Variants in CCNC observed in about 807,000 individuals in gnomAD.
CCNC encodes cyclin-C.
Under a neutral mutation model 50.0 loss-of-function variants are expected in CCNC, and 19 were observed. The ratio of observed to expected loss-of-function variants is 0.38; its 90% confidence interval spans 0.27 to 0.56. CCNC has a LOEUF of 0.56. Among genes scored for constraint, CCNC ranks in the 20% least tolerant of loss-of-function variants. The pLI is 0.72. For synonymous variants in CCNC, 93 were observed against 103.7 expected (o/e 0.90, Z 0.63); for missense variants, 200 against 327.1 (o/e 0.61, Z 3.00).
chr6:99,544,059 A>G, intron 11 of CCNC: 2 of 1,286,080 alleles, frequency 1.6e-6, no homozygotes, highest in Non-Finnish European at 2.0e-6. Context: ...GCATAATAAA[A>G]TCATATATAA....
intron 5 of CCNC, among the ~76,000 whole-genome samples, chr6:99,552,841 G>A (rs910465704): frequency 5.3e-5 from 8 of 152,050 alleles, no homozygotes; most frequent in Admixed American, 6.6e-5. Flanking sequence ...TCAGGAGTTC[G>A]AGACCTCCTG....
chr6:99,555,342 C>T (rs186887731), intron 5 of CCNC, among the ~76,000 whole-genome samples: 13 of 152,280 alleles, frequency 8.5e-5, no homozygotes, highest in South Asian at 2.1e-4. Context: ...TCTACCTCCA[C>T]CCCCACATTG....
intron 1 of CCNC, among the ~76,000 whole-genome samples, chr6:99,567,716 G>A (rs543338059): frequency 6.6e-6 from 1 of 152,208 alleles, no homozygotes; most frequent in East Asian, 1.9e-4. Flanking sequence ...CTACTCAAAT[G>A]TTCAATTTAC....
At chr6:99,568,425 G>C (rs1769250797) in intron 1 of CCNC, 71 bp downstream of exon 1, 3 of 1,427,874 alleles carry the variant, frequency 2.1e-6, no homozygotes, top group South Asian at 2.4e-5. Flanking sequence ...CAGGCCCAGG[G>C]GAGTCACAGG....
chr6:99,544,533 TCTTA>T (rs1321661028), intron 11 of CCNC, among the ~76,000 whole-genome samples: 2 of 151,974 alleles, frequency 1.3e-5, no homozygotes, highest in East Asian at 3.8e-4. Flanking sequence ...AATGAACACA[TCTTA>T]CTTAAAACAC....
At chr6:99,557,039 C>T (rs1189071790) in intron 5 of CCNC, among the ~76,000 whole-genome samples, 1 of 148,456 alleles carries the variant, frequency 6.7e-6, no homozygotes, top group Admixed American at 6.8e-5. Flanking sequence ...CCTTACTCAC[C>T]ATTCAGTTAA....
At position 99,543,498 on chromosome 6, in the gene CCNC, G is replaced by A; in HGVS notation, c.*57C>T. The A allele has an allele frequency of 6.3e-7, 1 of 1,585,760 alleles. No individual in the cohort carries two copies. Among genetic ancestry groups the A allele is most frequent in the Admixed American group, 1.7e-5 (1 of 59,610 alleles). On this transcript the variant is annotated 3_prime_UTR_variant, in exon 12 of 12. Coordinates refer to ENST00000520429, the MANE Select transcript of CCNC (RefSeq NM_005190.4). The stretch of plus-strand genomic sequence containing the variant: ...TTTGTGTTCCACTGAAGACATTACT[G>A]AAATCTGTCCAATGGTTTATTTCCA...
In CCNC at chr6:99,547,934, G is replaced by C. The variant is rs112406375; in HGVS notation, c.599-1460C>G. ...AATGTACTGGTAAACAACTACATGT[G>C]GGTATTGAGGGAGATGAAAGGGCCT... On this transcript the variant is annotated intron_variant, in intron 9 of 11. Coordinates refer to ENST00000520429, the MANE Select transcript of CCNC (RefSeq NM_005190.4). Among the ~76,000 whole-genome samples the C allele has an allele frequency of 2.0e-3, 302 of 152,216 alleles. 1 individual carries two copies. Among genetic ancestry groups the C allele is most frequent in the Non-Finnish European group, 2.7e-3 (182 of 68,010 alleles).
intron 7 of CCNC, 89 bp from the exon 8 acceptor site, chr6:99,550,398 T>G (rs1802241641): frequency 2.3e-6 from 2 of 881,090 alleles, no homozygotes; most frequent in African/African-American, 3.4e-5. Flanking sequence ...TTTGTAATTG[T>G]GTATTTCAAA....
intron 1 of CCNC, 153 bp downstream of exon 1, chr6:99,568,343 G>C: frequency 1.4e-6 from 1 of 712,302 alleles, no homozygotes; most frequent in Non-Finnish European, 2.3e-6. Flanking sequence ...AGTCGCCTCA[G>C]AAAAGCGCAT....
At chr6:99,548,735 A>C (rs191177690) in intron 9 of CCNC, among the ~76,000 whole-genome samples, 2 of 149,218 alleles carry the variant, frequency 1.3e-5, no homozygotes, top group Non-Finnish European at 3.0e-5. Flanking sequence ...CCCAGGAGGC[A>C]GAGGTTGCAG....
chr6:99,560,293 T>G (rs998820667), intron 4 of CCNC, among the ~76,000 whole-genome samples: 2 of 152,186 alleles, frequency 1.3e-5, no homozygotes, highest in Non-Finnish European at 2.9e-5. Flanking sequence ...CAATCCATAA[T>G]AAGGACCTTA....
chr6:99,549,047 T>TA (rs1261811078), intron 9 of CCNC, among the ~76,000 whole-genome samples: 1 of 152,208 alleles, frequency 6.6e-6, no homozygotes, highest in East Asian at 1.9e-4. Context: ...CTCCACCCAT[T>TA]ACAGCACTGC....
Position 99,546,380 on chromosome 6 carries a change from C to A in CCNC, c.678+15G>T, listed in dbSNP as rs540253843. ...ATTTTTAAACATCCAAGTTTACATA[C>A]AACTAAGGGAATACCTTTTCCATAT... On this transcript the variant is annotated intron_variant, in intron 10 of 11. Transcript: ENST00000520429. The A allele has an allele frequency of 6.4e-7, 1 of 1,567,920 alleles. No individual in the cohort carries two copies. The highest frequency in any genetic ancestry group is 1.4e-5 in the African/African-American group (1 of 74,046).
chr6:99,565,925 A>C (rs958296636), intron 1 of CCNC, among the ~76,000 whole-genome samples: 3 of 152,002 alleles, frequency 2.0e-5, no homozygotes, highest in African/African-American at 7.2e-5. Context: ...CTGTGTTATC[A>C]TGGCTTCATA....
intron 1 of CCNC, among the ~76,000 whole-genome samples, chr6:99,564,088 A>G (rs1432953040): frequency 6.6e-6 from 1 of 152,176 alleles, no homozygotes; most frequent in African/African-American, 2.4e-5. Context: ...AAAACATTAT[A>G]CCAATTTCCA....
intron 5 of CCNC, among the ~76,000 whole-genome samples, chr6:99,552,188 C>A (rs1355155589): frequency 6.6e-6 from 1 of 152,184 alleles, no homozygotes; most frequent in African/African-American, 2.4e-5. Flanking sequence ...TTTCTAAAAT[C>A]TTTTCAGCTA....
At position 99,567,023 on chromosome 6, in the gene CCNC, G is replaced by A. The variant is rs778788170; in HGVS notation, c.32+1473C>T. On this transcript the variant is annotated intron_variant, in intron 1 of 11. Transcript: ENST00000520429. ...CAAGGGATTTGAGCAAGGCAAAGTG[G>A]TCCCTTCTTTTAGGACTATTTGAAT... 130 of 435,564 alleles carry A rather than the reference G, an allele frequency of 3.0e-4. 1 individual carries two copies. The highest frequency in any genetic ancestry group is 1.8e-4 in the Admixed American group (7 of 39,270). The allele number at this position is 435,564 out of a possible 1,614,324, so 27.0% of individuals were successfully genotyped here. A position where few individuals can be genotyped will look rare whatever the true frequency, so the allele number is the denominator to read the frequency against.
At chr6:99,568,472 G>C (rs1380834019) in intron 1 of CCNC, 24 bp downstream of exon 1, 2 of 1,609,946 alleles carry the variant, frequency 1.2e-6, no homozygotes, top group East Asian at 2.2e-5. Flanking sequence ...CCGGCCCCAG[G>C]TGAGAAGACG....
Sources: allele counts gnomAD v4.1 joint callset (sites outside exome capture counted in the v4.1 genomes callset), GRCh38; gene constraint gnomAD v4.1.1; transcripts MANE v1.5; gene names NCBI Gene and HGNC (gene_info 2026-07-23, HGNC 2026-07-21).